Variants in CSMD1 observed in about 807,000 individuals in gnomAD.
CSMD1 encodes the protein CUB and sushi domain-containing protein 1.
CSMD1 carries 213 observed loss-of-function variants against 417.5 expected under a neutral mutation model. The observed-to-expected ratio is 0.51, with a 90% CI of 0.46 to 0.57. CSMD1 has a LOEUF of 0.57. Ranked by LOEUF, CSMD1 falls within the 20% of genes least tolerant of loss-of-function variation. The probability of loss-of-function intolerance (pLI) is 0.00; values close to 1 mark genes in which losing one functional copy is unlikely to be tolerated. For synonymous variants in CSMD1, 2,862 were observed against 1,736.8 expected (o/e 1.65, Z -16.11); for missense variants, 6,923 against 4,529.7 (o/e 1.53, Z -15.17).
chr8:3,192,760 T>A (rs1413435949), intron 33 of CSMD1, among the ~76,000 whole-genome samples: 1 of 152,204 alleles, frequency 6.6e-6, no homozygotes, highest in East Asian at 1.9e-4. Context: ...AGGTCAGGTG[T>A]GAAATTTTTC....
intron 5 of CSMD1, among the ~76,000 whole-genome samples, chr8:3,974,478 T>G (rs891399301): frequency 2.0e-5 from 3 of 151,994 alleles, no homozygotes; most frequent in African/African-American, 7.2e-5. Context: ...TAAAATGTAT[T>G]AAAACAGAAA....
chr8:3,472,833 T>TG lies in CSMD1; in HGVS notation c.1449-4010_1449-4009insC, dbSNP rs144476799. Among the ~76,000 whole-genome samples the TG allele has an allele frequency of 3.6e-5, 5 of 139,576 alleles. No individual in the cohort carries two copies. The East Asian group carries it at 1.5e-3, about 41-fold the overall frequency. The allele number at this position is 139,576 out of a possible 152,430, so 91.6% of individuals were successfully genotyped here. A position where few individuals can be genotyped will look rare whatever the true frequency, so the allele number is the denominator to read the frequency against. On this transcript the variant is annotated intron_variant, in intron 11 of 69. Transcript: ENST00000635120. ...TACCTGCCTCTTAAAATCTCCTAAG[T>TG]TTTTTTTTTATTCTTTTCATGTCAC...
rs376967043 is a variant in CSMD1, at chr8:4,233,928, T to A, written c.415+186025A>T. ...GAACCAATGTCACCCTAAAATGCCTTAATGAGGTGAGACTAATGCATGGAG... is the reference window on the plus strand; with the variant it reads ...GAACCAATGTCACCCTAAAATGCCTAAATGAGGTGAGACTAATGCATGGAG... On this transcript the variant is annotated intron_variant, in intron 3 of 69. Transcript: ENST00000635120. 7.4e-5 allele frequency among the ~76,000 whole-genome samples: 11 copies of A among 149,384 alleles called. No individual in the cohort carries two copies. In the East Asian group the frequency reaches 2.0e-3, roughly 27 times the overall value.
intron 2 of CSMD1, among the ~76,000 whole-genome samples, chr8:4,631,869 G>T (rs374356634): frequency 6.6e-6 from 1 of 152,148 alleles, no homozygotes; most frequent in African/African-American, 2.4e-5. Flanking sequence ...CCTAGGCCTT[G>T]TATTTTACAA....
intron 2 of CSMD1, among the ~76,000 whole-genome samples, chr8:4,455,138 T>C (rs1424394023): frequency 1.3e-5 from 2 of 152,158 alleles, no homozygotes; most frequent in Non-Finnish European, 2.9e-5. Context: ...CAAAGAGGAT[T>C]TGGACAACAG....
At chr8:4,709,616 T>C (rs1340559406) in intron 1 of CSMD1, among the ~76,000 whole-genome samples, 1 of 152,026 alleles carries the variant, frequency 6.6e-6, no homozygotes, top group African/African-American at 2.4e-5. Context: ...AAGAAACAAA[T>C]ATAAAACTGG....
chr8:4,922,919 T>C (rs927566540), intron 1 of CSMD1, among the ~76,000 whole-genome samples: 1 of 152,314 alleles, frequency 6.6e-6, no homozygotes, highest in East Asian at 1.9e-4. Flanking sequence ...TTAAATCTTC[T>C]TATTCCTAGT....
At position 3,827,810 on chromosome 8, in the gene CSMD1, G is replaced by A. The variant is rs565760431; in HGVS notation, c.819-73768C>T. Among the ~76,000 whole-genome samples the A allele has an allele frequency of 1.5e-4, 23 of 152,284 alleles. No individual in the cohort carries two copies. The South Asian group carries it at 4.3e-3, about 29-fold the overall frequency. ...AAATTATTGCCAGTTACACAAATATGACACTGTAAAAGTCGGTCCACTAAT... is the reference window on the plus strand; with the variant it reads ...AAATTATTGCCAGTTACACAAATATAACACTGTAAAAGTCGGTCCACTAAT... On this transcript the variant is annotated intron_variant, in intron 5 of 69. Coordinates refer to ENST00000635120, the MANE Select transcript of CSMD1 (RefSeq NM_033225.6).
chr8:4,416,202 A>C (rs1198784915), intron 3 of CSMD1, among the ~76,000 whole-genome samples: 1 of 152,198 alleles, frequency 6.6e-6, no homozygotes, highest in Non-Finnish European at 1.5e-5. Context: ...GTTTTGATTC[A>C]GAGCTGCTGC....
At chr8:3,315,425 C>G (rs1376680379) in intron 23 of CSMD1, among the ~76,000 whole-genome samples, 2 of 102,692 alleles carry the variant, frequency 1.9e-5, no homozygotes, top group African/African-American at 7.2e-5. Context: ...GAATGAAATT[C>G]TAGGTGAAGT....
At chr8:3,383,816 GAAC>G (rs1458904348) in intron 18 of CSMD1, among the ~76,000 whole-genome samples, 1 of 152,052 alleles carries the variant, frequency 6.6e-6, no homozygotes, top group Non-Finnish European at 1.5e-5. Context: ...AATGTGCTCA[GAAC>G]AACTGAAATG....
intron 7 of CSMD1, among the ~76,000 whole-genome samples, chr8:3,681,796 C>G (rs932203081): frequency 6.6e-6 from 1 of 152,218 alleles, no homozygotes; most frequent in South Asian, 2.1e-4. Flanking sequence ...AACTATACTA[C>G]AAGGCTACAG....
intron 12 of CSMD1, among the ~76,000 whole-genome samples, chr8:3,448,702 C>T (rs1460399404): frequency 7.2e-5 from 11 of 152,024 alleles, no homozygotes; most frequent in Admixed American, 6.5e-4. Flanking sequence ...ACTGCAGCAT[C>T]GAGAGTCCTC....
intron 3 of CSMD1, among the ~76,000 whole-genome samples, chr8:4,373,360 G>C (rs1802515555): frequency 6.6e-6 from 1 of 152,212 alleles, no homozygotes; most frequent in Admixed American, 6.5e-5. Context: ...ACGTGTCACT[G>C]TTGGTTTATT....
At chr8:3,291,869 C>A (rs1243645633) in intron 25 of CSMD1, among the ~76,000 whole-genome samples, 1 of 152,006 alleles carries the variant, frequency 6.6e-6, no homozygotes, top group African/African-American at 2.4e-5. Flanking sequence ...CTTCTGCTAG[C>A]TTTTGAATGT....
chr8:4,073,476 T>A lies in CSMD1; in HGVS notation c.416-41377A>T, dbSNP rs1488920166. On this transcript the variant is annotated intron_variant, in intron 3 of 69. Transcript: ENST00000635120. ...TTACTTAGATTCTATTTTCTCCTCA[T>A]TTTCTGGCTGTCCTCATCCAATATT... Among the ~76,000 whole-genome samples, 3 of 152,284 alleles carry A rather than the reference T, an allele frequency of 2.0e-5. No homozygotes were observed. In the East Asian group the frequency reaches 5.8e-4, roughly 29 times the overall value.
At chr8:4,374,871 C>A (rs1423796630) in intron 3 of CSMD1, among the ~76,000 whole-genome samples, 1 of 144,960 alleles carries the variant, frequency 6.9e-6, no homozygotes, top group South Asian at 2.1e-4. Flanking sequence ...TAATTAAACA[C>A]AGGACATGAA....
At chr8:3,869,366 A>C (rs1805323430) in intron 5 of CSMD1, among the ~76,000 whole-genome samples, 1 of 152,192 alleles carries the variant, frequency 6.6e-6, no homozygotes, top group South Asian at 2.1e-4. Flanking sequence ...AAAATTATAT[A>C]ATACATAGAG....
chr8:3,880,444 T>G (rs568450940), intron 5 of CSMD1, among the ~76,000 whole-genome samples: 2 of 152,332 alleles, frequency 1.3e-5, no homozygotes, highest in South Asian at 4.1e-4. Flanking sequence ...GATATTTATG[T>G]AAATTTTAAT....
Sources: gnomAD v4.1 joint callset for allele counts (sites outside exome capture counted in the v4.1 genomes callset) on GRCh38, gnomAD v4.1.1 for gene constraint, MANE v1.5 for transcripts, NCBI Gene and HGNC (gene_info 2026-07-23, HGNC 2026-07-21) for gene names.